SGCZ: variants seen among roughly 807,000 people sequenced by gnomAD.
SGCZ encodes zeta-sarcoglycan.
In SGCZ, 40 loss-of-function variants were observed where a neutral mutation model predicts 41.3. That is an observed-to-expected ratio of 0.97 (90% CI 0.75 to 1.26). The LOEUF (loss-of-function observed/expected upper bound fraction) is 1.26. Among genes scored for constraint, SGCZ ranks in the 50% most tolerant of loss-of-function variants. The probability of loss-of-function intolerance (pLI) is 0.00; values close to 1 mark genes in which losing one functional copy is unlikely to be tolerated. For missense variants in SGCZ, 552 were observed against 369.8 expected (o/e 1.49, Z -4.04); for synonymous variants, 206 against 137.5 (o/e 1.50, Z -3.49).
intron 1 of SGCZ, among the ~76,000 whole-genome samples, chr8:15,011,344 A>C (rs1802821505): frequency 6.6e-6 from 1 of 152,202 alleles, no homozygotes; most frequent in Non-Finnish European, 1.5e-5. Context: ...CGGCCATTAC[A>C]GAGTCCACAA....
Position 14,377,115 on chromosome 8 carries a change from G to A in SGCZ, c.235-52911C>T, listed in dbSNP as rs139739299. Among the ~76,000 whole-genome samples, 1,383 of 152,224 alleles carry A rather than the reference G, an allele frequency of 9.1e-3. 13 individuals carry two copies. Among genetic ancestry groups the A allele is most frequent in the African/African-American group, 0.02 (815 of 41,530 alleles). The stretch of plus-strand genomic sequence containing the variant: ...GCATAGACCGGGTTGCAAGAAGAAC[G>A]AACAATATAATTAGAGAGTTGGAAC... On this transcript the variant is annotated intron_variant, in intron 2 of 7. Coordinates refer to ENST00000382080, the MANE Select transcript of SGCZ (RefSeq NM_139167.4).
intron 1 of SGCZ, among the ~76,000 whole-genome samples, chr8:14,830,036 G>C (rs1262297761): frequency 6.6e-6 from 1 of 151,982 alleles, no homozygotes; most frequent in Non-Finnish European, 1.5e-5. Context: ...GGTCTCGATC[G>C]CCTGACCTCG....
At chr8:15,083,607 G>T (rs961108921) in intron 1 of SGCZ, among the ~76,000 whole-genome samples, 2 of 152,092 alleles carry the variant, frequency 1.3e-5, no homozygotes, top group Non-Finnish European at 2.9e-5. Flanking sequence ...GGAGTCCAGT[G>T]GTTCTATCAC....
chr8:14,148,078 A>G (rs954584398), intron 5 of SGCZ, among the ~76,000 whole-genome samples: 29 of 152,094 alleles, frequency 1.9e-4, no homozygotes, highest in African/African-American at 7.0e-4. Flanking sequence ...ACCATTATAG[A>G]TATAAGTGCC....
chr8:14,366,280 G>A (rs768347223), intron 2 of SGCZ, among the ~76,000 whole-genome samples: 3 of 152,112 alleles, frequency 2.0e-5, no homozygotes, highest in African/African-American at 7.2e-5. Context: ...TACAATCAGA[G>A]CAGAAGGTGA....
chr8:15,129,901 T>C (rs1400567429), intron 1 of SGCZ, among the ~76,000 whole-genome samples: 1 of 152,092 alleles, frequency 6.6e-6, no homozygotes, highest in Non-Finnish European at 1.5e-5. Flanking sequence ...CCTTGTTTTA[T>C]GAAGTCGGAT....
At chr8:14,528,965 T>C (rs1803042391) in intron 2 of SGCZ, among the ~76,000 whole-genome samples, 1 of 152,014 alleles carries the variant, frequency 6.6e-6, no homozygotes, top group Non-Finnish European at 1.5e-5. Context: ...ATGAATCAGC[T>C]GAGACCTAGA....
At chr8:15,069,899 C>G (rs1233094561) in intron 1 of SGCZ, among the ~76,000 whole-genome samples, 5 of 151,942 alleles carry the variant, frequency 3.3e-5, no homozygotes, top group Admixed American at 6.6e-5. Flanking sequence ...GTATGCATAT[C>G]TGTTTCATTT....
intron 3 of SGCZ, among the ~76,000 whole-genome samples, chr8:14,311,595 C>A (rs1195288460): frequency 1.3e-5 from 2 of 152,102 alleles, no homozygotes; most frequent in African/African-American, 4.8e-5. Context: ...ATTCTACGAT[C>A]TAATTTACCC....
chr8:14,646,117 A>G (rs956257589), intron 1 of SGCZ, among the ~76,000 whole-genome samples: 2 of 151,888 alleles, frequency 1.3e-5, no homozygotes, highest in African/African-American at 4.8e-5. Flanking sequence ...ACATGGTTAT[A>G]CCGCATGATG....
chr8:14,343,323 G>T (rs1802776436), intron 2 of SGCZ, among the ~76,000 whole-genome samples: 1 of 152,130 alleles, frequency 6.6e-6, no homozygotes, highest in Non-Finnish European at 1.5e-5. Flanking sequence ...TCCAGACCCA[G>T]AATGGTAGAT....
chr8:14,304,124 G>A (rs948706394), intron 3 of SGCZ, among the ~76,000 whole-genome samples: 1 of 152,034 alleles, frequency 6.6e-6, no homozygotes, highest in East Asian at 1.9e-4. Flanking sequence ...CCACCTATAA[G>A]GGATTCAGCA....
chr8:14,487,346 T>C (rs1194389154), intron 2 of SGCZ, among the ~76,000 whole-genome samples: 1 of 152,204 alleles, frequency 6.6e-6, no homozygotes, highest in African/African-American at 2.4e-5. Flanking sequence ...AAAATAATAA[T>C]ATTTGTAAGC....
chr8:14,339,362 G>T (rs1802619267), intron 2 of SGCZ, among the ~76,000 whole-genome samples: 1 of 152,124 alleles, frequency 6.6e-6, no homozygotes, highest in Non-Finnish European at 1.5e-5. Context: ...GCTGAGAATG[G>T]TTGTTCTCTA....
Position 14,783,709 on chromosome 8 carries a change from CTGT to C in SGCZ, c.40-228786_40-228784del, listed in dbSNP as rs921712813. Among the ~76,000 whole-genome samples the C allele has an allele frequency of 1.4e-4, 22 of 152,032 alleles. No individual in the cohort carries two copies. In the South Asian group the frequency reaches 2.5e-3, roughly 17 times the overall value. ...TCAGTGATCAGTTTAAGGGTTTTTGCTGTTGTTGTTTGTTTTTCTATCTGGGAT... is the reference window on the plus strand; with the variant it reads ...TCAGTGATCAGTTTAAGGGTTTTTGCTGTTGTTTGTTTTTCTATCTGGGAT... On this transcript the variant is annotated intron_variant, in intron 1 of 7. Transcript: ENST00000382080.
At chr8:14,740,306 T>C (rs1349253274) in intron 1 of SGCZ, among the ~76,000 whole-genome samples, 1 of 151,998 alleles carries the variant, frequency 6.6e-6, no homozygotes. Flanking sequence ...GATCCTCAAG[T>C]GACTTAACAG....
chr8:14,319,590 G>A (rs1801850644), intron 3 of SGCZ: 2 of 151,834 alleles, frequency 1.3e-5, no homozygotes, highest in South Asian at 4.1e-4. Context: ...AGGAATGATT[G>A]GACTAATGAA....
chr8:14,124,499 A>C (rs1802793548), intron 5 of SGCZ, among the ~76,000 whole-genome samples: 1 of 152,202 alleles, frequency 6.6e-6, no homozygotes, highest in Non-Finnish European at 1.5e-5. Flanking sequence ...AGTTGACTTA[A>C]AACTAAAATA....
At position 14,406,899 on chromosome 8, in the gene SGCZ, T is replaced by C. The variant is rs138830477; in HGVS notation, c.235-82695A>G. Among the ~76,000 whole-genome samples, 14 of 152,264 alleles carry C rather than the reference T, an allele frequency of 9.2e-5. No individual in the cohort carries two copies. In the East Asian group the frequency reaches 2.5e-3, roughly 27 times the overall value. ...CCTTTCGCAAGGAGCTGCTGCTGTA[T>C]ACTGCTACTTCAATACAATTTGCTA... On this transcript the variant is annotated intron_variant, in intron 2 of 7. Transcript: ENST00000382080.
Sources: gnomAD v4.1 joint callset for allele counts (sites outside exome capture counted in the v4.1 genomes callset) on GRCh38, gnomAD v4.1.1 for gene constraint, MANE v1.5 for transcripts, NCBI Gene and HGNC (gene_info 2026-07-23, HGNC 2026-07-21) for gene names.